Variants in FOXP4 observed in about 807,000 individuals in gnomAD.
FOXP4 encodes forkhead box protein P4.
In FOXP4, 25 loss-of-function variants were observed where a neutral mutation model predicts 82.6. The observed-to-expected ratio is 0.30, with a 90% CI of 0.22 to 0.42. FOXP4 has a LOEUF of 0.42. Ranked by LOEUF, FOXP4 falls within the 10% of genes least tolerant of loss-of-function variation. FOXP4 has a pLI of 1.00. For missense variants in FOXP4, 785 were observed against 900.9 expected (o/e 0.87, Z 1.65); for synonymous variants, 415 against 388.2 (o/e 1.07, Z -0.81).
At chr6:41,579,822 A>G (rs1765697545) in intron 3 of FOXP4, among the ~76,000 whole-genome samples, 1 of 152,194 alleles carries the variant, frequency 6.6e-6, no homozygotes, top group Non-Finnish European at 1.5e-5. Context: ...GTACATCCCA[A>G]ACTAACAACT....
At chr6:41,547,651 A>G (rs1763724467) in intron 1 of FOXP4, 1 of 152,338 alleles carries the variant, frequency 6.6e-6, no homozygotes, top group African/African-American at 2.4e-5. Context: ...TGGGGAAACG[A>G]TCTGGCTGAC....
chr6:41,556,749 G>C (rs1764302307), intron 1 of FOXP4, among the ~76,000 whole-genome samples: 1 of 152,190 alleles, frequency 6.6e-6, no homozygotes, highest in Admixed American at 6.5e-5. Flanking sequence ...CTCCCTCCAG[G>C]CTCCATGGTC....
rs914740979 is a variant in FOXP4 at position 41,595,035 on chromosome 6, C to T, written c.1658+44C>T. The T allele has an allele frequency of 3.7e-6, 6 of 1,611,268 alleles. No individual in the cohort carries two copies. In the African/African-American group the frequency reaches 4.0e-5, roughly 11 times the overall value. ...GGATGGGCTGTACCTGCCCAGGGGG[C>T]AGGAGCCAACTCACCCCCACCCCCT... is the stretch of plus-strand genomic sequence containing the variant. On this transcript the variant is annotated intron_variant, in intron 14 of 16. Transcript: ENST00000307972.
At position 41,590,365 on chromosome 6, in the gene FOXP4, G is replaced by A. The variant is rs770335424; in HGVS notation, c.1434+18G>A. On this transcript the variant is annotated intron_variant, in intron 12 of 16. Transcript: ENST00000307972. The stretch of plus-strand genomic sequence containing the variant: ...TCCGCCAGGTGAGCAGGGCAGGTAG[G>A]AGGAGGGTGGGGAATGGCACACAGG... The A allele has an allele frequency of 5.0e-6, 8 of 1,612,732 alleles. No homozygotes were observed. In the South Asian group the frequency reaches 8.8e-5, roughly 18 times the overall value.
At chr6:41,554,342 T>C (rs944373439) in intron 1 of FOXP4, among the ~76,000 whole-genome samples, 1 of 152,166 alleles carries the variant, frequency 6.6e-6, no homozygotes, top group Non-Finnish European at 1.5e-5. Flanking sequence ...CCACTTCTGC[T>C]CCTTTTGAAA....
In FOXP4 at chr6:41,565,908, G is replaced by A. The variant is rs766335487; in HGVS notation, c.148G>A (p.Ala50Thr). Residue 50 changes from alanine to threonine, a missense_variant, in exon 2 of 17, where the codon GCA becomes ACA. Physicochemically the swap from Ala to Thr is moderately conservative, Grantham distance 58. This residue lies in a region of FOXP4 where 570 missense variants were observed against 634.0 expected (regional missense o/e 0.90). Coordinates refer to ENST00000307972, the MANE Select transcript of FOXP4 (RefSeq NM_001012426.2). The stretch of plus-strand genomic sequence containing the variant: ...CACGGGCAGGGAAGTGACCACGGGT[G>A]CAGACAGCAATGGTGAGATGAGTCC... The part of the protein sequence containing the change: ...SGTGREVTTG[A>T]DSNGEMSPAE... 2 of 1,614,056 alleles carry A rather than the reference G, an allele frequency of 1.2e-6. No homozygotes were observed. The highest frequency in any genetic ancestry group is 1.7e-6 in the Non-Finnish European group (2 of 1,180,028).
In FOXP4 at chr6:41,558,764, C is replaced by T. The variant is rs532579831; in HGVS notation, c.-16-6981C>T. Among the ~76,000 whole-genome samples, 1 of 152,324 alleles carries T rather than the reference C, an allele frequency of 6.6e-6. No homozygotes were observed. The highest frequency in any genetic ancestry group is 1.5e-5 in the Non-Finnish European group (1 of 68,034). On this transcript the variant is annotated intron_variant, in intron 1 of 16. Transcript: ENST00000307972. This position sits in a 1 kb window ranked among gnomAD's most constrained non-coding sequence, Gnocchi z 4.0. The stretch of plus-strand genomic sequence containing the variant: ...CCAGGGCTGAATGGGGGAGGCTGGT[C>T]CCTGGGACTTTGGATTGGGAAGCAT...
intron 1 of FOXP4, among the ~76,000 whole-genome samples, chr6:41,559,528 A>G (rs1764452300): frequency 2.0e-5 from 3 of 152,150 alleles, no homozygotes; most frequent in Admixed American, 1.3e-4. Flanking sequence ...AAAAAAGAGA[A>G]GGGGCTAGGA....
intron 2 of FOXP4, among the ~76,000 whole-genome samples, chr6:41,574,006 C>G (rs1562025466): frequency 6.6e-6 from 1 of 152,172 alleles, no homozygotes; most frequent in Non-Finnish European, 1.5e-5. Flanking sequence ...TCTGCCTAAG[C>G]CCCCTCTTCC....
chr6:41,584,847 C>G lies in FOXP4; in HGVS notation c.379C>G (p.Leu127Val). ...QMQQILSPPQLQALLQQQQAL... is the reference protein window; with the variant it reads ...QMQQILSPPQVQALLQQQQAL... ...GCAGCAGATCCTGTCGCCCCCGCAGCTGCAGGCCTTGCTCCAGCAGCAGCA... is the reference window on the plus strand; with the variant it reads ...GCAGCAGATCCTGTCGCCCCCGCAGGTGCAGGCCTTGCTCCAGCAGCAGCA... Residue 127 changes from leucine (L) to valine (V), a missense_variant, in exon 4 of 17, where the codon CTG becomes GTG. Coordinates refer to ENST00000307972, the MANE Select transcript of FOXP4 (RefSeq NM_001012426.2). 1.2e-6 allele frequency: 2 copies of G among 1,610,942 alleles called. No individual in the cohort carries two copies. Among genetic ancestry groups the G allele is most frequent in the Non-Finnish European group, 1.7e-6 (2 of 1,178,816 alleles).
intron 2 of FOXP4, chr6:41,570,362 C>G: frequency 2.1e-6 from 1 of 471,270 alleles, no homozygotes; most frequent in Middle Eastern, 3.2e-4. Context: ...GGGGAATGCT[C>G]AGAAACTGCC....
In FOXP4 at chr6:41,600,513, C is replaced by T. The variant is rs1767165733; in HGVS notation, c.*1577C>T. 1 of 152,496 alleles carries T rather than the reference C, an allele frequency of 6.6e-6. No homozygotes were observed. Among genetic ancestry groups the T allele is most frequent in the African/African-American group, 2.4e-5 (1 of 41,434 alleles). 9.4% of individuals were successfully genotyped at this position (152,496 alleles called of 1,614,324 possible). ...TCCCAAGAACCCCCCACATACACCC[C>T]TCACAAGCCACCCCTCCTGAGAGGC... is the stretch of plus-strand genomic sequence containing the variant. On this transcript the variant is annotated 3_prime_UTR_variant, in exon 17 of 17. Coordinates refer to ENST00000307972, the MANE Select transcript of FOXP4 (RefSeq NM_001012426.2).
chr6:41,586,456 C>T (rs1360858726), intron 5 of FOXP4, among the ~76,000 whole-genome samples: 1 of 152,176 alleles, frequency 6.6e-6, no homozygotes, highest in Non-Finnish European at 1.5e-5. Flanking sequence ...GAGTACAGGG[C>T]GCCTGGGCAG....
Position 41,600,942 on chromosome 6 carries a change from C to G in FOXP4, c.*2006C>G, listed in dbSNP as rs1302140262. Reference sequence around the variant, plus strand: ...CACTAGTTTGAAATCCAAGTTCTTGCCAGAGTGTTGGAGCAAGGCAGCTGA... The same window carrying G: ...CACTAGTTTGAAATCCAAGTTCTTGGCAGAGTGTTGGAGCAAGGCAGCTGA... On this transcript the variant is annotated 3_prime_UTR_variant, in exon 17 of 17. Coordinates refer to ENST00000307972, the MANE Select transcript of FOXP4 (RefSeq NM_001012426.2). The G allele has an allele frequency of 3.9e-5, 6 of 152,258 alleles. 1 individual carries two copies. The East Asian group carries it at 1.2e-3, about 29-fold the overall frequency. The allele number at this position is 152,258 out of a possible 1,614,324, so 9.4% of individuals were successfully genotyped here. A position where few individuals can be genotyped will look rare whatever the true frequency, so the allele number is the denominator to read the frequency against.
At chr6:41,578,882 G>T (rs1310153277) in intron 3 of FOXP4, among the ~76,000 whole-genome samples, 1 of 152,158 alleles carries the variant, frequency 6.6e-6, no homozygotes, top group Admixed American at 6.5e-5. Context: ...CCAGCAGAGG[G>T]AGGCTCAGAA....
chr6:41,570,197 C>T (rs1014534061), intron 2 of FOXP4: 2 of 417,294 alleles, frequency 4.8e-6, no homozygotes, highest in Non-Finnish European at 1.0e-5. Flanking sequence ...CCAGATTCTA[C>T]TGTTTCCTGT....
intron 1 of FOXP4, chr6:41,547,572 G>A (rs1254711598): frequency 6.6e-6 from 1 of 152,418 alleles, no homozygotes; most frequent in Non-Finnish European, 1.5e-5. Flanking sequence ...GGGATAGAGC[G>A]GAAAACTTCT....
In FOXP4 at chr6:41,546,878, G is replaced by T. The variant is rs1397878245; in HGVS notation, c.-17+11G>T. ...GGCCGGGCGGGACAGGTAGGTGGCG[G>T]GTCGGGCCCAGGGACGTGGGTGGGG... On this transcript the variant is annotated intron_variant, in intron 1 of 16. Transcript: ENST00000307972. The T allele has an allele frequency of 2.0e-5, 3 of 150,442 alleles. No individual in the cohort carries two copies. The highest frequency in any genetic ancestry group is 3.0e-5 in the Non-Finnish European group (2 of 67,504). The allele number at this position is 150,442 out of a possible 1,614,324, so 9.3% of individuals were successfully genotyped here.
chr6:41,563,264 G>C (rs545185342), intron 1 of FOXP4, among the ~76,000 whole-genome samples: 2 of 152,176 alleles, frequency 1.3e-5, no homozygotes, highest in African/African-American at 4.8e-5. Flanking sequence ...ATCTCCTCCC[G>C]ACTCTGCTTC....
Sources: gnomAD v4.1 joint callset for allele counts (sites outside exome capture counted in the v4.1 genomes callset) on GRCh38, gnomAD v4.1.1 for gene constraint, gnomAD v4.1.1 regional missense constraint, Gnocchi (gnomAD v3.1) non-coding constraint, MANE v1.5 for transcripts, NCBI Gene and HGNC (gene_info 2026-07-23, HGNC 2026-07-21) for gene names.